KHDRBS2: variants seen among roughly 807,000 people sequenced by gnomAD.
KHDRBS2 encodes KH RNA binding domain containing, signal transduction associated 2.
Under a neutral mutation model 44.3 loss-of-function variants are expected in KHDRBS2, and 26 were observed. The observed-to-expected ratio is 0.59, with a 90% CI of 0.43 to 0.81. The LOEUF is 0.81. Ranked by LOEUF, KHDRBS2 falls within the 40% of genes least tolerant of loss-of-function variation. KHDRBS2 has a pLI of 0.00. For synonymous variants in KHDRBS2, 194 were observed against 151.1 expected (o/e 1.28, Z -2.08); for missense variants, 476 against 433.1 (o/e 1.10, Z -0.88).
At chr6:61,589,435 G>A in the KHDRBS2 span, among the ~76,000 whole-genome samples, 1 of 152,166 alleles carries the variant, frequency 6.6e-6, no homozygotes, top group African/African-American at 2.4e-5. Flanking sequence ...TTAAGAGTAA[G>A]TATGTATTTC....
chr6:61,984,315 C>A (rs1774588758), intron 3 of KHDRBS2, among the ~76,000 whole-genome samples: 1 of 152,136 alleles, frequency 6.6e-6, no homozygotes, highest in South Asian at 2.1e-4. Flanking sequence ...TAATTTTTAA[C>A]CTGAAATTTC....
chr6:61,939,471 C>A (rs533001342), intron 4 of KHDRBS2, among the ~76,000 whole-genome samples: 4 of 151,994 alleles, frequency 2.6e-5, no homozygotes, highest in Admixed American at 2.6e-4. Flanking sequence ...AGTTTTTTTT[C>A]ACAGATATTT....
the KHDRBS2 span, among the ~76,000 whole-genome samples, chr6:61,626,106 T>C: frequency 6.6e-6 from 1 of 152,232 alleles, no homozygotes; most frequent in South Asian, 2.1e-4. Context: ...ATACAGTATA[T>C]TCCTCTTCTA....
At chr6:61,619,753 C>T in the KHDRBS2 span, among the ~76,000 whole-genome samples, 1 of 152,090 alleles carries the variant, frequency 6.6e-6, no homozygotes, top group Non-Finnish European at 1.5e-5. Context: ...TGCGTCTGGC[C>T]TATTTTTTTT....
chr6:62,274,061 G>A lies in KHDRBS2; in HGVS notation c.91+11797C>T, dbSNP rs182790197. 2.2e-3 allele frequency among the ~76,000 whole-genome samples: 339 copies of A among 152,116 alleles called. 1 individual carries two copies. The highest frequency in any genetic ancestry group is 6.9e-3 in the African/African-American group (287 of 41,486). On this transcript the variant is annotated intron_variant, in intron 1 of 8. Transcript: ENST00000281156. ...ATCAATTCTCCTGCCTCAGTCTCCTGAGTAGCAGGGACTACAGGTGTGCGC... is the reference window on the plus strand; with the variant it reads ...ATCAATTCTCCTGCCTCAGTCTCCTAAGTAGCAGGGACTACAGGTGTGCGC...
intron 1 of KHDRBS2, among the ~76,000 whole-genome samples, chr6:62,247,359 T>A (rs1835759424): frequency 6.6e-6 from 1 of 151,676 alleles, no homozygotes; most frequent in Middle Eastern, 3.2e-3. Flanking sequence ...TGCTCCGCAT[T>A]ACTAGTGCGC....
At chr6:62,157,514 G>A (rs766025528) in intron 2 of KHDRBS2, among the ~76,000 whole-genome samples, 3 of 152,098 alleles carry the variant, frequency 2.0e-5, no homozygotes, top group Non-Finnish European at 4.4e-5. Flanking sequence ...ATAAGCAACA[G>A]CATCAATTTT....
chr6:62,283,830 A>G (rs1174669781), intron 1 of KHDRBS2, among the ~76,000 whole-genome samples: 2 of 152,166 alleles, frequency 1.3e-5, no homozygotes, highest in Non-Finnish European at 2.9e-5. Context: ...GAGAGCTAAT[A>G]TAAAACCTAT....
intron 1 of KHDRBS2, among the ~76,000 whole-genome samples, chr6:62,182,810 C>A (rs1822606413): frequency 6.6e-6 from 1 of 151,708 alleles, no homozygotes; most frequent in African/African-American, 2.4e-5. Flanking sequence ...ATTTTTAATA[C>A]CTCCCCTATA....
chr6:61,675,938 T>C (rs1237420822), downstream of KHDRBS2, among the ~76,000 whole-genome samples: 1 of 151,770 alleles, frequency 6.6e-6, no homozygotes. Flanking sequence ...TGCACTATTA[T>C]CTAAAAACCT....
intron 4 of KHDRBS2, among the ~76,000 whole-genome samples, chr6:61,959,444 A>G (rs1768148344): frequency 6.6e-6 from 1 of 152,184 alleles, no homozygotes; most frequent in Non-Finnish European, 1.5e-5. Context: ...GAAATGTAGT[A>G]TGTAGTTTGT....
intron 2 of KHDRBS2, among the ~76,000 whole-genome samples, chr6:62,142,781 C>T (rs2150099413): frequency 6.6e-6 from 1 of 151,588 alleles, no homozygotes; most frequent in South Asian, 2.1e-4. Context: ...ATATTTCAAA[C>T]AAGCAGGTGG....
intron 4 of KHDRBS2, among the ~76,000 whole-genome samples, chr6:61,934,973 A>T (rs1340520973): frequency 6.6e-6 from 1 of 152,166 alleles, no homozygotes; most frequent in Non-Finnish European, 1.5e-5. Flanking sequence ...TGTCTCTCAC[A>T]ATCAGTTTCT....
At chr6:61,753,909 G>A (rs1371713802) in intron 6 of KHDRBS2, among the ~76,000 whole-genome samples, 1 of 152,116 alleles carries the variant, frequency 6.6e-6, no homozygotes, top group African/African-American at 2.4e-5. Context: ...TAAGAGGGAA[G>A]CAGAGGGAGA....
At chr6:61,797,007 TAA>T (rs757524881) in intron 6 of KHDRBS2, among the ~76,000 whole-genome samples, 1 of 152,116 alleles carries the variant, frequency 6.6e-6, no homozygotes, top group Non-Finnish European at 1.5e-5. Context: ...CTAAATAATA[TAA>T]GTGATAATAC....
chr6:61,900,639 T>G (rs1203359706), intron 5 of KHDRBS2, among the ~76,000 whole-genome samples: 1 of 152,208 alleles, frequency 6.6e-6, no homozygotes, highest in Admixed American at 6.5e-5. Flanking sequence ...AAATACCCTC[T>G]GAACTTTAAA....
chr6:61,644,736 G>A, the KHDRBS2 span, among the ~76,000 whole-genome samples: 1 of 152,054 alleles, frequency 6.6e-6, no homozygotes, highest in Non-Finnish European at 1.5e-5. Context: ...TTAGAGAAGT[G>A]CAAATCAAAA....
chr6:62,224,790 T>G (rs1297005025), intron 1 of KHDRBS2, among the ~76,000 whole-genome samples: 2 of 152,240 alleles, frequency 1.3e-5, no homozygotes, highest in African/African-American at 4.8e-5. Context: ...GCCTTTTATA[T>G]GCTACTTGGT....
chr6:61,983,236 C>CTTTCTTTCT (rs1309156581), intron 3 of KHDRBS2, among the ~76,000 whole-genome samples: 223 of 118,522 alleles, frequency 1.9e-3, no homozygotes, highest in Non-Finnish European at 3.2e-3. Context: ...TTCTTTCTTT[C>CTTTCTTTCT]TTTTTTTTTT....
Sources: gnomAD v4.1 joint callset for allele counts (sites outside exome capture counted in the v4.1 genomes callset) on GRCh38, gnomAD v4.1.1 for gene constraint, MANE v1.5 for transcripts, NCBI Gene and HGNC (gene_info 2026-07-23, HGNC 2026-07-21) for gene names.